Variants in ZNF487 observed in about 807,000 individuals in gnomAD.
The protein encoded by ZNF487 is KRAB domain only 1.
ZNF487 carries 4 observed loss-of-function variants against 3.0 expected under a neutral mutation model. The observed-to-expected ratio is 1.35, with a 90% confidence interval of 0.66 to 3.08. The LOEUF (loss-of-function observed/expected upper bound fraction) is 3.08. Ranked by LOEUF, ZNF487 falls within the 30% of genes most tolerant of loss-of-function variation. The pLI is 0.01. For missense variants in ZNF487, 146 were observed against 98.7 expected (o/e 1.48, Z -2.03); for synonymous variants, 55 against 34.6 (o/e 1.59, Z -2.06).
chr10:43,471,356 A>G (rs552914747), intron 1 of ZNF487, among the ~76,000 whole-genome samples: 4 of 152,220 alleles, frequency 2.6e-5, no homozygotes, highest in Admixed American at 6.5e-5. Flanking sequence ...CACTACCCCA[A>G]AACCCTAGAG....
At chr10:43,490,428 C>A in the ZNF487 span, among the ~76,000 whole-genome samples, 8 of 151,906 alleles carry the variant, frequency 5.3e-5, no homozygotes, top group East Asian at 1.5e-3. Flanking sequence ...TTGTGATTTT[C>A]CCCCCATATT....
At chr10:43,502,361 A>G in the ZNF487 span, among the ~76,000 whole-genome samples, 5 of 151,944 alleles carry the variant, frequency 3.3e-5, no homozygotes, top group East Asian at 3.9e-4. Flanking sequence ...GAAGGGGAAC[A>G]TCACACACTG....
At chr10:43,476,301 T>C in intron 3 of ZNF487, 99 bp downstream of exon 3, 1 of 638,664 alleles carries the variant, frequency 1.6e-6, no homozygotes. Context: ...TTCAGAGATA[T>C]GTTTTTAGAG....
At chr10:43,502,214 G>A in the ZNF487 span, among the ~76,000 whole-genome samples, 22 of 152,318 alleles carry the variant, frequency 1.4e-4, no homozygotes, top group East Asian at 4.2e-3. Flanking sequence ...AAAAAAGGAT[G>A]AGTTCATGTC....
chr10:43,444,848 G>A (rs1214422894), intron 1 of ZNF487, among the ~76,000 whole-genome samples: 1 of 152,120 alleles, frequency 6.6e-6, no homozygotes, highest in Non-Finnish European at 1.5e-5. Context: ...GGGATTACAG[G>A]TGTGAGCCAC....
At chr10:43,504,740 A>T in the ZNF487 span, among the ~76,000 whole-genome samples, 2 of 149,050 alleles carry the variant, frequency 1.3e-5, no homozygotes, top group East Asian at 2.0e-4. Context: ...TTTTGGAGAC[A>T]GTGTTGCCCA....
chr10:43,505,518 T>C, the ZNF487 span, among the ~76,000 whole-genome samples: 1 of 151,636 alleles, frequency 6.6e-6, no homozygotes, highest in South Asian at 2.1e-4. Flanking sequence ...ATCCTGACCT[T>C]GTGATCTGCC....
chr10:43,517,864 C>T, the ZNF487 span, among the ~76,000 whole-genome samples: 1 of 152,234 alleles, frequency 6.6e-6, no homozygotes, highest in African/African-American at 2.4e-5. Context: ...ACCTGAGGAT[C>T]CCTGTGAGAT....
the ZNF487 span, among the ~76,000 whole-genome samples, chr10:43,498,697 C>T: frequency 5.3e-5 from 8 of 151,776 alleles, no homozygotes; most frequent in African/African-American, 1.5e-4. Flanking sequence ...AATCCCAGCA[C>T]TTTGGGAGGC....
At chr10:43,473,207 A>C (rs1840969060) in intron 1 of ZNF487, among the ~76,000 whole-genome samples, 1 of 149,874 alleles carries the variant, frequency 6.7e-6, no homozygotes, top group South Asian at 2.1e-4. Flanking sequence ...TCCCGGGTTC[A>C]AGCAATTCTT....
the ZNF487 span, among the ~76,000 whole-genome samples, chr10:43,502,531 A>G: frequency 6.6e-6 from 1 of 152,314 alleles, no homozygotes; most frequent in Admixed American, 6.5e-5. Context: ...ATAAAAAAAA[A>G]AGAAACTAAA....
intron 1 of ZNF487, among the ~76,000 whole-genome samples, chr10:43,450,068 A>T (rs898305606): frequency 6.6e-6 from 1 of 151,504 alleles, no homozygotes; most frequent in African/African-American, 2.4e-5. Flanking sequence ...TTTGAGACGG[A>T]GTTTTGCTCT....
intron 1 of ZNF487, among the ~76,000 whole-genome samples, chr10:43,459,098 A>C (rs1840324358): frequency 6.6e-6 from 1 of 151,896 alleles, no homozygotes; most frequent in Non-Finnish European, 1.5e-5. Context: ...ATCTCCCTAA[A>C]ATGTCTTCTC....
the ZNF487 span, among the ~76,000 whole-genome samples, chr10:43,504,027 T>C: frequency 5.9e-5 from 9 of 152,350 alleles, no homozygotes; most frequent in Non-Finnish European, 1.2e-4. Context: ...TACAGGTTTG[T>C]AGCGTAGGAG....
the ZNF487 span, among the ~76,000 whole-genome samples, chr10:43,500,450 C>A: frequency 1.3e-5 from 2 of 152,004 alleles, no homozygotes. Flanking sequence ...AAAACAACCC[C>A]CCACCCCTGG....
At chr10:43,453,119 G>C (rs1160416888) in intron 1 of ZNF487, 3 of 152,074 alleles carry the variant, frequency 2.0e-5, no homozygotes, top group African/African-American at 7.2e-5. Flanking sequence ...GTGTCTGCCT[G>C]CTGGCAATGG....
chr10:43,474,715 C>T (rs1053554173), intron 1 of ZNF487, among the ~76,000 whole-genome samples: 9 of 151,724 alleles, frequency 5.9e-5, no homozygotes, highest in Non-Finnish European at 1.0e-4. Flanking sequence ...CCCCAGTAGC[C>T]GGAATTACAG....
chr10:43,484,431 A>G (rs1841452709), downstream of ZNF487, among the ~76,000 whole-genome samples: 2 of 151,264 alleles, frequency 1.3e-5, no homozygotes, highest in Admixed American at 1.3e-4. Flanking sequence ...ACATGGGGAA[A>G]CCCTGTCTCT....
At chr10:43,437,038 C>T, upstream of ZNF487, 3 of 339,282 alleles carry the variant, frequency 8.8e-6, no homozygotes, top group South Asian at 4.1e-5. Flanking sequence ...GCAAGGCTTC[C>T]GGAAGCGCAG....
Sources: gnomAD v4.1 joint callset for allele counts (sites outside exome capture counted in the v4.1 genomes callset) on GRCh38, gnomAD v4.1.1 for gene constraint, MANE v1.5 for transcripts, NCBI Gene and HGNC (gene_info 2026-07-23, HGNC 2026-07-21) for gene names.